Variants in FAM135A observed in about 807,000 individuals in gnomAD.
FAM135A encodes family with sequence similarity 135 member A.
Under a neutral mutation model 146.8 loss-of-function variants are expected in FAM135A, and 79 were observed. The ratio of observed to expected loss-of-function variants is 0.54; its 90% CI spans 0.45 to 0.65. FAM135A has a LOEUF of 0.65. Among genes scored for constraint, FAM135A ranks in the 30% least tolerant of loss-of-function variants. The pLI, the probability that FAM135A is intolerant of heterozygous loss-of-function variation, is 0.00. For missense variants in FAM135A, 1,623 were observed against 1,758.2 expected (o/e 0.92, Z 1.38); for synonymous variants, 562 against 603.6 (o/e 0.93, Z 1.01).
In FAM135A at chr6:70,444,143, G is replaced by A. The variant is rs572086216; in HGVS notation, c.78-8349G>A. Among the ~76,000 whole-genome samples the A allele has an allele frequency of 1.1e-4, 16 of 152,182 alleles. No individual in the cohort carries two copies. In the South Asian group the frequency reaches 1.2e-3, roughly 12 times the overall value. ...TTTTGGGCTGGGTGCGGTGGCTCACGCCTGTAATCCTAGTGCTTTGGGAGG... is the reference window on the plus strand; with the variant it reads ...TTTTGGGCTGGGTGCGGTGGCTCACACCTGTAATCCTAGTGCTTTGGGAGG... On this transcript the variant is annotated intron_variant, in intron 4 of 21. Coordinates refer to ENST00000418814, the MANE Select transcript of FAM135A (RefSeq NM_001162529.3).
intron 4 of FAM135A, among the ~76,000 whole-genome samples, chr6:70,429,428 G>A (rs1454368989): frequency 6.6e-6 from 1 of 151,922 alleles, no homozygotes; most frequent in African/African-American, 2.4e-5. Flanking sequence ...CAGGAGAATC[G>A]CTTGAATCCA....
chr6:70,491,337 T>C (rs1486863591), intron 11 of FAM135A, among the ~76,000 whole-genome samples: 5 of 151,962 alleles, frequency 3.3e-5, no homozygotes, highest in African/African-American at 1.2e-4. Flanking sequence ...GATCAAACAG[T>C]ACATTTTCTT....
At position 70,556,442 on chromosome 6, in the gene FAM135A, A is replaced by G. The variant is rs570797963; in HGVS notation, c.4229-308A>G. On this transcript the variant is annotated intron_variant, in intron 20 of 21. Transcript: ENST00000418814. Reference sequence around the variant, plus strand: ...ATACCTTTTGGAAGGTAAGAATGTCATGGAATACTTTCTATAGAACATTAG... The same window carrying G: ...ATACCTTTTGGAAGGTAAGAATGTCGTGGAATACTTTCTATAGAACATTAG... 3.3e-5 allele frequency among the ~76,000 whole-genome samples: 5 copies of G among 152,302 alleles called. No homozygotes were observed. The South Asian group carries it at 1.0e-3, about 32-fold the overall frequency.
chr6:70,475,355 T>C, intron 5 of FAM135A, 55 bp from the exon 6 acceptor site: 1 of 1,382,716 alleles, frequency 7.2e-7, no homozygotes, highest in Non-Finnish European at 9.8e-7. Context: ...AAGTGTTAAT[T>C]TGCTTGTGTT....
intron 4 of FAM135A, 27 bp downstream of exon 4, chr6:70,428,446 T>A: frequency 6.6e-7 from 1 of 1,507,984 alleles, no homozygotes. Context: ...GAAAATGATA[T>A]ATTTTGCATA....
intron 20 of FAM135A, among the ~76,000 whole-genome samples, 175 bp downstream of exon 20, chr6:70,538,576 GATTT>G (rs1312528514): frequency 6.6e-6 from 1 of 151,982 alleles, no homozygotes; most frequent in African/African-American, 2.4e-5. Flanking sequence ...AGTTGAAAGA[GATTT>G]CTTTAGTCTT....
At chr6:70,536,753 A>G (rs1796864719) in intron 19 of FAM135A, among the ~76,000 whole-genome samples, 1 of 152,116 alleles carries the variant, frequency 6.6e-6, no homozygotes. Context: ...CATTTAATAC[A>G]TTATCAAGTT....
At chr6:70,442,304 TA>T (rs1448905978) in intron 4 of FAM135A, among the ~76,000 whole-genome samples, 4 of 151,726 alleles carry the variant, frequency 2.6e-5, no homozygotes, top group African/African-American at 9.7e-5. Context: ...TACTGTGTTT[TA>T]AAAATCACTT....
At chr6:70,542,830 C>G (rs1361288861) in intron 20 of FAM135A, among the ~76,000 whole-genome samples, 2 of 151,990 alleles carry the variant, frequency 1.3e-5, no homozygotes, top group African/African-American at 4.8e-5. Context: ...TGGTACTGTT[C>G]TCTCAATTAC....
chr6:70,438,870 A>C (rs1165643326), intron 4 of FAM135A, among the ~76,000 whole-genome samples: 1 of 152,178 alleles, frequency 6.6e-6, no homozygotes, highest in Non-Finnish European at 1.5e-5. Context: ...AAGATGGAAA[A>C]GACAGCAGGG....
In FAM135A at chr6:70,525,975, C is replaced by T. The variant is rs1333971616; in HGVS notation, c.2891C>T (p.Ala964Val). 1.9e-6 allele frequency: 3 copies of T among 1,613,172 alleles called. No individual in the cohort carries two copies. Among genetic ancestry groups the T allele is most frequent in the Non-Finnish European group, 2.5e-6 (3 of 1,179,582 alleles). Residue 964 changes from alanine to valine, a missense_variant, in exon 15 of 22, where the codon GCA becomes GTA. By Grantham distance (64) the Ala-to-Val change is moderately conservative. Around this residue, in one of 7 missense-constraint regions of FAM135A, gnomAD observed 1,061 missense variants for 1,113.8 expected, o/e 0.95. Coordinates refer to ENST00000418814, the MANE Select transcript of FAM135A (RefSeq NM_001162529.3). ...PDKSNNSTGTAITLNSKLICL... is the reference protein window; with the variant it reads ...PDKSNNSTGTVITLNSKLICL... ...AAATCTAATAACTCTACAGGGACAG[C>T]AATTACATTAAATTCAAAACTGATT... is the stretch of plus-strand genomic sequence containing the variant.
intron 4 of FAM135A, among the ~76,000 whole-genome samples, chr6:70,448,164 C>T (rs921489582): frequency 1.3e-5 from 2 of 152,098 alleles, no homozygotes; most frequent in East Asian, 1.9e-4. Flanking sequence ...AACTACTTTT[C>T]GCCCAGTGTC....
chr6:70,435,060 TAC>T (rs1772651321), intron 4 of FAM135A, among the ~76,000 whole-genome samples: 1 of 138,902 alleles, frequency 7.2e-6, no homozygotes, highest in Non-Finnish European at 1.5e-5. Context: ...ATTATATATA[TAC>T]GTGTGTGTGT....
intron 20 of FAM135A, among the ~76,000 whole-genome samples, chr6:70,551,562 G>T (rs1323448242): frequency 2.6e-5 from 4 of 152,216 alleles, no homozygotes; most frequent in Non-Finnish European, 5.9e-5. Flanking sequence ...AATGAGTCAT[G>T]ATTGCACCAC....
At chr6:70,421,144 A>G (rs1288791777) in intron 2 of FAM135A, among the ~76,000 whole-genome samples, 1 of 152,072 alleles carries the variant, frequency 6.6e-6, no homozygotes, top group African/African-American at 2.4e-5. Flanking sequence ...TCAGCCTCCC[A>G]AAGTGCTGGG....
At chr6:70,424,323 C>G (rs1037822655) in intron 2 of FAM135A, among the ~76,000 whole-genome samples, 3 of 152,232 alleles carry the variant, frequency 2.0e-5, no homozygotes, top group Non-Finnish European at 4.4e-5. Flanking sequence ...TTGACAAATA[C>G]TATTCCGTCA....
At position 70,435,498 on chromosome 6, in the gene FAM135A, G is replaced by C. The variant is rs1377385714; in HGVS notation, c.77+7079G>C. ...CTGTAGAACCCTGTAAACCAGGTTT[G>C]ATACAACACAGTTTTTTTGTTTGTT... On this transcript the variant is annotated intron_variant, in intron 4 of 21. Transcript: ENST00000418814. Among the ~76,000 whole-genome samples, 6 of 151,860 alleles carry C rather than the reference G, an allele frequency of 4.0e-5. No homozygotes were observed. The East Asian group carries it at 9.7e-4, about 25-fold the overall frequency.
intron 5 of FAM135A, among the ~76,000 whole-genome samples, chr6:70,466,985 C>T (rs1780594589): frequency 6.6e-6 from 1 of 152,168 alleles, no homozygotes; most frequent in South Asian, 2.1e-4. Flanking sequence ...CCTAGGCATT[C>T]CCTTTGCATC....
chr6:70,503,497 C>T (rs1156421544), intron 12 of FAM135A: 1 of 152,076 alleles, frequency 6.6e-6, no homozygotes, highest in Non-Finnish European at 1.5e-5. Context: ...AAAACAGGCA[C>T]ATTTTATCAA....
Sources: allele counts gnomAD v4.1 joint callset (sites outside exome capture counted in the v4.1 genomes callset), GRCh38; gene constraint gnomAD v4.1.1; regional missense constraint gnomAD v4.1.1; transcripts MANE v1.5; gene names NCBI Gene and HGNC (gene_info 2026-07-23, HGNC 2026-07-21).